Variants in ANKRD30B observed in about 807,000 individuals in gnomAD.
ANKRD30B encodes the protein ankyrin repeat domain 30B, also known as ankyrin repeat domain-containing protein 30B.
A neutral mutation model predicts 202.2 loss-of-function variants in ANKRD30B; 144 were observed. The observed-to-expected ratio is 0.71, with a 90% confidence interval of 0.62 to 0.82. The LOEUF (loss-of-function observed/expected upper bound fraction) is 0.82. Among genes scored for constraint, ANKRD30B ranks in the 40% least tolerant of loss-of-function variants. ANKRD30B has a pLI of 0.00. For missense variants in ANKRD30B, 1,487 were observed against 1,669.1 expected, an observed-to-expected ratio of 0.89 and a Z score of 1.90; for synonymous variants, 508 against 561.3, an observed-to-expected ratio of 0.91 and a Z score of 1.34.
intron 36 of ANKRD30B, among the ~76,000 whole-genome samples, chr18:14,839,079 G>A (rs1568065146): frequency 6.6e-6 from 1 of 152,172 alleles, no homozygotes; most frequent in Non-Finnish European, 1.5e-5. Context: ...GATTTTCAAT[G>A]TTTTGACCTG....
the ANKRD30B span, among the ~76,000 whole-genome samples, chr18:14,868,256 G>T: frequency 5.2e-5 from 8 of 152,426 alleles, no homozygotes; most frequent in East Asian, 1.5e-3. Context: ...GAAGCTGCTG[G>T]TTCTGTACCA....
At chr18:14,871,377 G>A in the ANKRD30B span, among the ~76,000 whole-genome samples, 1 of 151,198 alleles carries the variant, frequency 6.6e-6, no homozygotes, top group Non-Finnish European at 1.5e-5. Flanking sequence ...AGGACTGTGT[G>A]CAGCATAGAA....
At chr18:14,822,706 G>A in intron 32 of ANKRD30B, 29 bp downstream of exon 32, 2 of 1,099,582 alleles carry the variant, frequency 1.8e-6, no homozygotes, top group Non-Finnish European at 2.6e-6. Context: ...ATTTTACTGT[G>A]GAATTAAGAA....
At chr18:14,826,680 C>T (rs1233947370) in intron 32 of ANKRD30B, among the ~76,000 whole-genome samples, 1 of 33,082 alleles carries the variant, frequency 3.0e-5, no homozygotes, top group Non-Finnish European at 9.3e-5. Flanking sequence ...CTCTCCCCCT[C>T]TCTCTCTCTC....
At chr18:14,877,717 T>A in the ANKRD30B span, 3 of 152,326 alleles carry the variant, frequency 2.0e-5, no homozygotes, top group African/African-American at 7.2e-5. Flanking sequence ...GTCCTCTTTC[T>A]ACTGCGAAAC....
chr18:14,800,813 T>G (rs1969259869), intron 22 of ANKRD30B, among the ~76,000 whole-genome samples: 1 of 59,956 alleles, frequency 1.7e-5, no homozygotes, highest in Non-Finnish European at 3.3e-5. Flanking sequence ...CAACATTCTG[T>G]TTTGATCAGC....
chr18:14,931,336 C>A, the ANKRD30B span, among the ~76,000 whole-genome samples: 3 of 152,166 alleles, frequency 2.0e-5, no homozygotes, highest in African/African-American at 7.2e-5. Context: ...AATTCTAGAA[C>A]AAGGACGAGT....
chr18:14,779,939 A>T, intron 10 of ANKRD30B, 21 bp from the exon 11 acceptor site: 2 of 1,521,298 alleles, frequency 1.3e-6, no homozygotes, highest in Non-Finnish European at 1.8e-6. Context: ...TCATGAATGT[A>T]TCTGTGATTA....
chr18:14,784,696 G>A (rs937595338), intron 14 of ANKRD30B, among the ~76,000 whole-genome samples, 161 bp downstream of exon 14: 51 of 151,806 alleles, frequency 3.4e-4, no homozygotes, highest in African/African-American at 1.2e-3. Flanking sequence ...GATATTACAA[G>A]AACAGTAATT....
chr18:14,757,907 A>AT lies in ANKRD30B; in HGVS notation c.711dup (p.Gly238TrpfsTer14). 6.2e-7 allele frequency: 1 copy of AT among 1,611,046 alleles called. No homozygotes were observed. The highest frequency in any genetic ancestry group is 8.5e-7 in the Non-Finnish European group (1 of 1,178,308). On this transcript the variant is annotated frameshift_variant, in exon 5 of 44. Coordinates refer to ENST00000690538, the MANE Select transcript of ANKRD30B (RefSeq NM_001367607.2). LOFTEE classifies it high-confidence loss of function. Reference sequence around the variant, plus strand: ...GTTGACGTCTTTGCTGAAGACATACATGGAATAACTGCAGAACGTTATGCT... The same window carrying AT: ...GTTGACGTCTTTGCTGAAGACATACATTGGAATAACTGCAGAACGTTATGCT...
the ANKRD30B span, among the ~76,000 whole-genome samples, chr18:14,913,160 A>G: frequency 6.6e-6 from 1 of 152,226 alleles, no homozygotes; most frequent in Admixed American, 6.5e-5. Context: ...CCTTTAATGC[A>G]CTATTTAGAC....
intron 34 of ANKRD30B, among the ~76,000 whole-genome samples, chr18:14,833,507 A>T (rs1301640684): frequency 1.3e-5 from 2 of 152,144 alleles, no homozygotes; most frequent in East Asian, 3.9e-4. Flanking sequence ...GGAATACATT[A>T]CTCTAAAATT....
chr18:14,776,430 T>C (rs1967355695), intron 9 of ANKRD30B, among the ~76,000 whole-genome samples: 1 of 152,172 alleles, frequency 6.6e-6, no homozygotes, highest in Non-Finnish European at 1.5e-5. Flanking sequence ...ATGGTCAGAG[T>C]AGATCTTTCT....
chr18:14,876,535 CTT>C, the ANKRD30B span, among the ~76,000 whole-genome samples: 1 of 152,114 alleles, frequency 6.6e-6, no homozygotes, highest in Non-Finnish European at 1.5e-5. Context: ...CCCTCCAGTC[CTT>C]CTCTCTTGGG....
intron 32 of ANKRD30B, among the ~76,000 whole-genome samples, chr18:14,823,848 G>A (rs1345699147): frequency 1.3e-5 from 2 of 152,170 alleles, no homozygotes; most frequent in Non-Finnish European, 2.9e-5. Context: ...GGTGGTGGGT[G>A]CCTGTAATCT....
chr18:14,886,825 C>G, the ANKRD30B span, among the ~76,000 whole-genome samples: 1 of 152,088 alleles, frequency 6.6e-6, no homozygotes, highest in Non-Finnish European at 1.5e-5. Flanking sequence ...GAATCCTGAT[C>G]TCAAAACCTA....
chr18:14,757,811 T>C lies in ANKRD30B; in HGVS notation c.618-4T>C, dbSNP rs1378476726. ...CATAATAAGTTATCTCTTTGTTATT[T>C]TAGCACAGCCCTCATGCTTGCCATA... On this transcript the variant is annotated splice_region_variant and splice_polypyrimidine_tract_variant and intron_variant, in intron 4 of 43. Transcript: ENST00000690538. The C allele has an allele frequency of 6.2e-7, 1 of 1,610,884 alleles. No individual in the cohort carries two copies.
At chr18:14,831,181 G>GGAAAAAAAAAAAA (rs1267118242) in intron 33 of ANKRD30B, among the ~76,000 whole-genome samples, 6 of 52,354 alleles carry the variant, frequency 1.1e-4, no homozygotes, top group African/African-American at 2.2e-4. Flanking sequence ...CTCCGTCTCG[G>GGAAAAAAAAAAAA]AAAAAAAAAA....
chr18:14,838,152 T>C (rs1400743211), intron 36 of ANKRD30B, among the ~76,000 whole-genome samples: 1 of 152,278 alleles, frequency 6.6e-6, no homozygotes, highest in African/African-American at 2.4e-5. Flanking sequence ...CAGTGTAGAA[T>C]AGTGCAAAAC....
Sources: gnomAD v4.1 joint callset for allele counts (sites outside exome capture counted in the v4.1 genomes callset) on GRCh38, gnomAD v4.1.1 for gene constraint, MANE v1.5 for transcripts, NCBI Gene and HGNC (gene_info 2026-07-23, HGNC 2026-07-21) for gene names.